The following DCP1B variants were observed in gnomAD, a reference collection of about 807,000 sequenced individuals.
DCP1B encodes the protein mRNA-decapping enzyme 1B.
In DCP1B, 47 loss-of-function variants were observed where a neutral mutation model predicts 60.5. The observed-to-expected ratio is 0.78, with a 90% CI of 0.61 to 0.99. The LOEUF is 0.99. Ranked by LOEUF, DCP1B falls within the 50% of genes least tolerant of loss-of-function variation. The pLI is 0.00. For missense variants in DCP1B, 725 were observed against 756.8 expected, an observed-to-expected ratio of 0.96 and a Z score of 0.49; for synonymous variants, 267 against 280.3, an observed-to-expected ratio of 0.95 and a Z score of 0.47.
intron 2 of DCP1B, among the ~76,000 whole-genome samples, chr12:1,995,303 T>A (rs929132643): frequency 6.6e-6 from 1 of 152,228 alleles, no homozygotes; most frequent in Admixed American, 6.5e-5. Context: ...AGAATCATAA[T>A]GCGTGTTGTG....
intron 3 of DCP1B, among the ~76,000 whole-genome samples, chr12:1,968,638 TACTC>T (rs1411290560): frequency 1.3e-5 from 2 of 152,238 alleles, no homozygotes; most frequent in Admixed American, 1.3e-4. Flanking sequence ...AGAAACCTGA[TACTC>T]AAATTATGCC....
Position 1,946,095 on chromosome 12 carries a change from C to A in DCP1B, c.*111G>T. 1.2e-6 allele frequency: 1 copy of A among 813,586 alleles called. No homozygotes were observed. The highest frequency in any genetic ancestry group is 1.8e-6 in the Non-Finnish European group (1 of 544,038). 50.4% of individuals were successfully genotyped at this position (813,586 alleles called of 1,614,324 possible). A position where few individuals can be genotyped will look rare whatever the true frequency, so the allele number is the denominator to read the frequency against. On this transcript the variant is annotated 3_prime_UTR_variant, in exon 9 of 9. Transcript: ENST00000280665. Reference sequence around the variant, plus strand: ...AACATTTTACTTCATATTACACATACTTTTTTTTTAAAAAAGGCAGAAACA... The same window carrying A: ...AACATTTTACTTCATATTACACATAATTTTTTTTTAAAAAAGGCAGAAACA...
chr12:2,001,704 T>C (rs1429468464), intron 1 of DCP1B, among the ~76,000 whole-genome samples: 1 of 152,188 alleles, frequency 6.6e-6, no homozygotes, highest in Non-Finnish European at 1.5e-5. Context: ...TAGTTTGGCA[T>C]TTTTCACTTT....
downstream of DCP1B, chr12:1,946,009 T>C: frequency 2.2e-6 from 1 of 452,520 alleles, no homozygotes; most frequent in East Asian, 3.7e-5. Flanking sequence ...TCTGTACATG[T>C]ACCCCAGAAC....
intron 2 of DCP1B, among the ~76,000 whole-genome samples, chr12:1,995,736 C>T (rs990062734): frequency 1.6e-4 from 25 of 152,376 alleles, no homozygotes; most frequent in Admixed American, 1.2e-3. Context: ...TTCCAGCTGA[C>T]TCATCTGTAT....
At chr12:1,965,526 T>A in intron 5 of DCP1B, 32 bp downstream of exon 5, 1 of 1,597,402 alleles carries the variant, frequency 6.3e-7, no homozygotes, top group East Asian at 2.3e-5. Context: ...AACTGAAGTG[T>A]GTATGTATCA....
At chr12:1,949,462 G>T in intron 7 of DCP1B, 128 bp from the exon 8 acceptor site, 1 of 1,324,330 alleles carries the variant, frequency 7.6e-7, no homozygotes, top group South Asian at 1.4e-5. Context: ...AAAAGTTTAT[G>T]GGAAACTGAT....
At chr12:1,953,967 G>C (rs953134643) in intron 6 of DCP1B, among the ~76,000 whole-genome samples, 1 of 152,188 alleles carries the variant, frequency 6.6e-6, no homozygotes, top group African/African-American at 2.4e-5. Context: ...CAGACTGCTT[G>C]AGCTAAGGAG....
At position 1,978,121 on chromosome 12, in the gene DCP1B, A is replaced by C. The variant is rs945244578; in HGVS notation, c.320-10211T>G. Among the ~76,000 whole-genome samples the C allele has an allele frequency of 3.5e-4, 53 of 152,212 alleles. 1 individual carries two copies. Among genetic ancestry groups the C allele is most frequent in the African/African-American group, 1.3e-3 (53 of 41,454 alleles). ...GTTATACGGTTTCCATATTTTTGGC[A>C]AAGAGAAATCTTGCTTCTCTGACCA... is the stretch of plus-strand genomic sequence containing the variant. On this transcript the variant is annotated intron_variant, in intron 3 of 8. Transcript: ENST00000280665.
chr12:1,963,910 C>G (rs2031209533), intron 5 of DCP1B, among the ~76,000 whole-genome samples: 1 of 152,166 alleles, frequency 6.6e-6, no homozygotes, highest in Non-Finnish European at 1.5e-5. Context: ...GATATTTCCA[C>G]TTAATCTTAT....
chr12:1,984,988 T>C (rs2037275096), intron 3 of DCP1B, among the ~76,000 whole-genome samples: 1 of 151,894 alleles, frequency 6.6e-6, no homozygotes, highest in African/African-American at 2.4e-5. Flanking sequence ...CAAAACATTA[T>C]TATCCTAGAT....
chr12:1,975,920 G>A (rs1266170952), intron 3 of DCP1B, among the ~76,000 whole-genome samples: 1 of 152,126 alleles, frequency 6.6e-6, no homozygotes, highest in African/African-American at 2.4e-5. Flanking sequence ...GATGGTCAGG[G>A]TGAAGAGAAG....
intron 3 of DCP1B, among the ~76,000 whole-genome samples, chr12:1,978,368 TAA>T: frequency 6.6e-6 from 1 of 152,272 alleles, no homozygotes; most frequent in Admixed American, 6.5e-5. Context: ...CGCAAAGTAA[TAA>T]AGAGTTAGTG....
chr12:1,976,011 A>T (rs2034237013), intron 3 of DCP1B, among the ~76,000 whole-genome samples: 1 of 152,182 alleles, frequency 6.6e-6, no homozygotes, highest in Admixed American at 6.5e-5. Context: ...ACACAGAAAA[A>T]TAGAAATACG....
intron 3 of DCP1B, among the ~76,000 whole-genome samples, chr12:1,980,064 T>C (rs11062038): frequency 0.3 from 46,363 of 152,046 alleles, 7,315 homozygotes; most frequent in East Asian, 0.51. Context: ...GCAGTATCTC[T>C]AAAGCTAAAC....
intron 3 of DCP1B, among the ~76,000 whole-genome samples, chr12:1,975,571 G>C (rs1430221476): frequency 2.0e-5 from 3 of 152,108 alleles, no homozygotes; most frequent in Non-Finnish European, 4.4e-5. Flanking sequence ...TCTCTGCCAA[G>C]AATTTAGACT....
intron 5 of DCP1B, among the ~76,000 whole-genome samples, chr12:1,956,463 G>A (rs192285203): frequency 2.6e-5 from 4 of 152,298 alleles, no homozygotes; most frequent in Non-Finnish European, 1.5e-5. Flanking sequence ...CATTCCCAAT[G>A]TGTTTTACAG....
rs963154910 is a variant in DCP1B, at chr12:1,951,953, C to A, written c.1524+463G>T. On this transcript the variant is annotated intron_variant, in intron 7 of 8. Coordinates refer to ENST00000280665, the MANE Select transcript of DCP1B (RefSeq NM_152640.5). ...TTGGTCTTCAGACCTCCTAATATAA[C>A]GAAGATTTAACTCTACAAGTAATGC... Among the ~76,000 whole-genome samples, 75 of 152,160 alleles carry A rather than the reference C, an allele frequency of 4.9e-4. 1 individual carries two copies. The highest frequency in any genetic ancestry group is 1.7e-3 in the African/African-American group (70 of 41,438).
rs1339574317 is a variant in DCP1B, at chr12:1,962,660, A to G, written c.522+2898T>C. Among the ~76,000 whole-genome samples, 1 of 152,096 alleles carries G rather than the reference A, an allele frequency of 6.6e-6. No homozygotes were observed. Among genetic ancestry groups the G allele is most frequent in the Admixed American group, 6.5e-5 (1 of 15,276 alleles). ...TAATTTTTTTTAATGACTTTTGAAG[A>G]ATTAAAAAAACACAAAATGAATACA... On this transcript the variant is annotated intron_variant, in intron 5 of 8. Transcript: ENST00000280665. The surrounding 1 kb of genome is among the most constrained non-coding windows in gnomAD (Gnocchi z 4.4).
Sources: gnomAD v4.1 joint callset for allele counts (sites outside exome capture counted in the v4.1 genomes callset) on GRCh38, gnomAD v4.1.1 for gene constraint, Gnocchi (gnomAD v3.1) non-coding constraint, MANE v1.5 for transcripts, NCBI Gene and HGNC (gene_info 2026-07-23, HGNC 2026-07-21) for gene names.